PALS2: variants seen among roughly 807,000 people sequenced by gnomAD.
PALS2 encodes the protein protein associated with LIN7 2, MAGUK p55 family member.
In PALS2, 27 loss-of-function variants were observed where a neutral mutation model predicts 61.6. The ratio of observed to expected loss-of-function variants is 0.44; its 90% CI spans 0.32 to 0.60. The LOEUF (loss-of-function observed/expected upper bound fraction) is 0.60, where lower values mean the gene tolerates loss of function less well. Ranked by LOEUF, PALS2 falls within the 20% of genes least tolerant of loss-of-function variation. The probability of loss-of-function intolerance (pLI) is 0.05; values close to 1 mark genes in which losing one functional copy is unlikely to be tolerated. For synonymous variants in PALS2, 236 were observed against 218.6 expected (o/e 1.08, Z -0.70); for missense variants, 554 against 639.4 (o/e 0.87, Z 1.44).
intron 5 of PALS2, among the ~76,000 whole-genome samples, chr7:24,652,114 G>C (rs990162806): frequency 4.6e-5 from 7 of 152,148 alleles, no homozygotes; most frequent in Non-Finnish European, 7.3e-5. Flanking sequence ...TTCAATTTGT[G>C]ACAGCCTGAG....
At chr7:24,617,941 T>C (rs1784351287) in intron 1 of PALS2, among the ~76,000 whole-genome samples, 1 of 152,188 alleles carries the variant, frequency 6.6e-6, no homozygotes, top group Non-Finnish European at 1.5e-5. Flanking sequence ...TCTAGGGGCA[T>C]GTCTGCCAGA....
intron 5 of PALS2, among the ~76,000 whole-genome samples, chr7:24,657,469 T>C (rs1338809391): frequency 1.3e-5 from 2 of 152,212 alleles, no homozygotes; most frequent in Non-Finnish European, 2.9e-5. Context: ...ACTAATAATA[T>C]TGAACATGTT....
intron 1 of PALS2, among the ~76,000 whole-genome samples, chr7:24,586,614 G>T (rs1018766075): frequency 7.2e-5 from 11 of 152,088 alleles, no homozygotes; most frequent in African/African-American, 2.4e-4. Context: ...TTGAATAGAT[G>T]GAAAGCTAGA....
intron 11 of PALS2, among the ~76,000 whole-genome samples, chr7:24,683,805 ATTTATTC>A (rs2128035433): frequency 6.6e-6 from 1 of 152,282 alleles, no homozygotes; most frequent in Admixed American, 6.5e-5. Context: ...TATATCATGA[ATTTATTC>A]TGATATTTTC....
intron 6 of PALS2, 131 bp from the exon 7 acceptor site, chr7:24,665,457 T>C (rs1220278958): frequency 1.4e-6 from 1 of 693,904 alleles, no homozygotes. Context: ...GACAATGCTA[T>C]GGATTTAAAT....
chr7:24,621,555 C>T (rs1784520598), intron 1 of PALS2, among the ~76,000 whole-genome samples: 1 of 151,936 alleles, frequency 6.6e-6, no homozygotes, highest in Non-Finnish European at 1.5e-5. Flanking sequence ...CAAAATGGGT[C>T]AGTCACAAAG....
chr7:24,624,329 A>G (rs141568322), intron 2 of PALS2, among the ~76,000 whole-genome samples: 12 of 152,284 alleles, frequency 7.9e-5, no homozygotes, highest in African/African-American at 2.6e-4. Context: ...CTAAAGCTTA[A>G]TGTATTACCT....
chr7:24,650,418 A>G (rs1786076892), intron 4 of PALS2, 67 bp from the exon 5 acceptor site: 1 of 1,251,160 alleles, frequency 8.0e-7, no homozygotes. Context: ...TTTCTTACAT[A>G]TGCTCATGAA....
intron 2 of PALS2, among the ~76,000 whole-genome samples, chr7:24,640,023 G>A (rs1342973836): frequency 6.6e-6 from 1 of 151,592 alleles, no homozygotes; most frequent in African/African-American, 2.4e-5. Flanking sequence ...CACCATGTTG[G>A]GCAGGCTGGT....
At chr7:24,574,746 A>G (rs542935661) in intron 1 of PALS2, among the ~76,000 whole-genome samples, 5 of 152,298 alleles carry the variant, frequency 3.3e-5, no homozygotes, top group South Asian at 2.1e-4. Context: ...ATGCGTTTCA[A>G]TTGGAGTATG....
chr7:24,615,637 G>T (rs1272012713), intron 1 of PALS2, among the ~76,000 whole-genome samples: 1 of 151,772 alleles, frequency 6.6e-6, no homozygotes, highest in Non-Finnish European at 1.5e-5. Context: ...GGACTGGATG[G>T]CTTCACCACT....
intron 1 of PALS2, among the ~76,000 whole-genome samples, chr7:24,586,166 T>A (rs558198616): frequency 1.3e-5 from 2 of 152,090 alleles, no homozygotes; most frequent in South Asian, 2.1e-4. Context: ...TTTTTTTTTT[T>A]AATTGAAGAT....
intron 1 of PALS2, among the ~76,000 whole-genome samples, chr7:24,580,246 C>T (rs769428992): frequency 6.6e-6 from 1 of 151,992 alleles, no homozygotes; most frequent in African/African-American, 2.4e-5. Context: ...GATTCTTTAC[C>T]TAAGTGGGCA....
At chr7:24,616,093 A>G (rs1347458035) in intron 1 of PALS2, among the ~76,000 whole-genome samples, 2 of 152,172 alleles carry the variant, frequency 1.3e-5, no homozygotes, top group Non-Finnish European at 2.9e-5. Flanking sequence ...CTAATATCCC[A>G]TTGAAAGCTG....
At chr7:24,667,970 T>G (rs1449068184) in intron 8 of PALS2, among the ~76,000 whole-genome samples, 1 of 151,960 alleles carries the variant, frequency 6.6e-6, no homozygotes, top group African/African-American at 2.4e-5. Flanking sequence ...CCAGCCCGAT[T>G]AGACAAATTT....
intron 2 of PALS2, among the ~76,000 whole-genome samples, chr7:24,624,607 T>A (rs1419193175): frequency 7.6e-6 from 1 of 132,442 alleles, no homozygotes; most frequent in Non-Finnish European, 1.6e-5. Flanking sequence ...AGATTCTTCT[T>A]TTTTTTTTTT....
chr7:24,675,926 C>T (rs1424783213), intron 9 of PALS2, among the ~76,000 whole-genome samples: 1 of 147,842 alleles, frequency 6.8e-6, no homozygotes, highest in Admixed American at 6.7e-5. Flanking sequence ...ATGGCTGGGT[C>T]AAATGGTATT....
rs1788317534 is a variant in PALS2 at position 24,688,530 on chromosome 7, A to G, written c.*916A>G. The G allele has an allele frequency of 1.3e-5, 2 of 152,136 alleles. No individual in the cohort carries two copies. The highest frequency in any genetic ancestry group is 4.8e-5 in the African/African-American group (2 of 41,444). The allele number at this position is 152,136 out of a possible 1,614,324, so 9.4% of individuals were successfully genotyped here. ...TTAGAACATGGTCAGCAAATGTATC[A>G]TGCCTCTGCAAATTTTAGTGATGTT... is the stretch of plus-strand genomic sequence containing the variant. On this transcript the variant is annotated 3_prime_UTR_variant, in exon 12 of 12. Transcript: ENST00000222644.
chr7:24,635,698 C>G (rs1785202592), intron 2 of PALS2, among the ~76,000 whole-genome samples: 1 of 152,064 alleles, frequency 6.6e-6, no homozygotes, highest in Admixed American at 6.6e-5. Flanking sequence ...CTATCCTATA[C>G]CTTGATTTTT....
Sources: gnomAD v4.1 joint callset for allele counts (sites outside exome capture counted in the v4.1 genomes callset) on GRCh38, gnomAD v4.1.1 for gene constraint, MANE v1.5 for transcripts, NCBI Gene and HGNC (gene_info 2026-07-23, HGNC 2026-07-21) for gene names.